The following HSDL2 variants were observed in gnomAD, a reference collection of about 807,000 sequenced individuals.
The protein encoded by HSDL2 is hydroxysteroid dehydrogenase like 2.
A neutral mutation model predicts 46.3 loss-of-function variants in HSDL2; 27 were observed. The ratio of observed to expected loss-of-function variants is 0.58; its 90% CI spans 0.43 to 0.80. The LOEUF (loss-of-function observed/expected upper bound fraction) is 0.80. Ranked by LOEUF, HSDL2 falls within the 30% of genes least tolerant of loss-of-function variation. The pLI, the probability that HSDL2 is intolerant of heterozygous loss-of-function variation, is 0.00. For synonymous variants in HSDL2, 153 were observed against 163.6 expected, an observed-to-expected ratio of 0.94 and a Z score of 0.50; for missense variants, 451 against 502.7, an observed-to-expected ratio of 0.90 and a Z score of 0.98.
intron 1 of HSDL2, among the ~76,000 whole-genome samples, chr9:112,399,334 A>T (rs1022889124): frequency 4.6e-5 from 7 of 152,210 alleles, no homozygotes; most frequent in Non-Finnish European, 8.8e-5. Context: ...ACATGCTTCA[A>T]AGGGCAAAAA....
intron 6 of HSDL2, among the ~76,000 whole-genome samples, chr9:112,423,238 CAAGAT>C (rs1330961301): frequency 2.6e-5 from 4 of 152,150 alleles, no homozygotes; most frequent in South Asian, 2.1e-4. Flanking sequence ...ATTGAAGAGA[CAAGAT>C]AAGAGAAAAG....
At chr9:112,427,680 C>T (rs899591149) in intron 6 of HSDL2, among the ~76,000 whole-genome samples, 2 of 152,048 alleles carry the variant, frequency 1.3e-5, no homozygotes, top group Admixed American at 6.6e-5. Context: ...AAAACCAGGT[C>T]GTTTATCTTA....
At chr9:112,381,098 C>CACACACAT (rs139335401) in intron 1 of HSDL2, among the ~76,000 whole-genome samples, 43,557 of 151,490 alleles carry the variant, frequency 0.29, 6,473 homozygotes, top group Admixed American at 0.41. Context: ...TACACACACA[C>CACACACAT]ACACACACAC....
At chr9:112,419,461 C>T (rs973872185) in intron 6 of HSDL2, among the ~76,000 whole-genome samples, 1 of 152,184 alleles carries the variant, frequency 6.6e-6, no homozygotes, top group African/African-American at 2.4e-5. Context: ...GCTTAGACTA[C>T]ATGAGTGACT....
intron 3 of HSDL2, among the ~76,000 whole-genome samples, chr9:112,407,844 G>A (rs1831765235): frequency 6.6e-6 from 1 of 152,142 alleles, no homozygotes; most frequent in South Asian, 2.1e-4. Flanking sequence ...CCATCATTAA[G>A]TACACTTCAC....
intron 8 of HSDL2, among the ~76,000 whole-genome samples, chr9:112,446,459 A>C (rs566895052): frequency 1.3e-5 from 2 of 152,244 alleles, no homozygotes; most frequent in East Asian, 1.9e-4. Context: ...GCAAGATCCC[A>C]TTTCTACAAA....
chr9:112,455,110 G>C (rs887152530), intron 9 of HSDL2, among the ~76,000 whole-genome samples: 1 of 152,014 alleles, frequency 6.6e-6, no homozygotes, highest in African/African-American at 2.4e-5. Context: ...GCGTGCAGCT[G>C]TAATCCCAGC....
chr9:112,454,091 G>C lies in HSDL2; in HGVS notation c.944G>C (p.Arg315Thr), dbSNP rs1449701156. The change falls in exon 9 of 11, where the codon AGA (arginine) becomes ACA (threonine). Residue 315 changes from arginine to threonine, a missense_variant. Transcript: ENST00000398805. ...TCTGGAGCTGTGGAAGAAACATTTA[G>C]AATTGTTAAGGACTCTCTCAGTGAT... ...PRSGAVEETF[R>T]IVKDSLSDDV... is the part of the protein sequence containing the mutation. 6.2e-7 allele frequency: 1 copy of C among 1,614,052 alleles called. No homozygotes were observed. Among genetic ancestry groups the C allele is most frequent in the East Asian group, 2.2e-5 (1 of 44,880 alleles).
chr9:112,396,617 C>A lies in HSDL2; in HGVS notation c.18-7378C>A, dbSNP rs980674164. Among the ~76,000 whole-genome samples the A allele has an allele frequency of 2.0e-5, 3 of 152,120 alleles. No individual in the cohort carries two copies. In the East Asian group the frequency reaches 5.8e-4, roughly 29 times the overall value. ...TCTCATTAGAGGAATCAAAATGAGA[C>A]CAGTATGAACCGTGATTCCTTTAGT... On this transcript the variant is annotated intron_variant, in intron 1 of 10. Transcript: ENST00000398805.
chr9:112,462,024 G>T (rs988631097), intron 10 of HSDL2, among the ~76,000 whole-genome samples: 2 of 152,146 alleles, frequency 1.3e-5, no homozygotes, highest in Non-Finnish European at 2.9e-5. Context: ...GAGTTTGCTT[G>T]TGCTTCTTAT....
intron 8 of HSDL2, among the ~76,000 whole-genome samples, chr9:112,443,771 C>A (rs1363063050): frequency 1.3e-5 from 2 of 152,160 alleles, no homozygotes; most frequent in African/African-American, 4.8e-5. Flanking sequence ...CCTGATAATC[C>A]AGTTTATTAA....
At chr9:112,414,578 T>C (rs1039575897) in intron 4 of HSDL2, among the ~76,000 whole-genome samples, 4 of 140,146 alleles carry the variant, frequency 2.9e-5, no homozygotes, top group Non-Finnish European at 6.3e-5. Flanking sequence ...GATGGAAAGG[T>C]CTTGTCCCAT....
intron 6 of HSDL2, among the ~76,000 whole-genome samples, chr9:112,433,015 T>C (rs1371043686): frequency 6.6e-6 from 1 of 152,004 alleles, no homozygotes; most frequent in Non-Finnish European, 1.5e-5. Flanking sequence ...CCTCAAGTGA[T>C]CCACCCACCT....
At chr9:112,443,116 T>C (rs1302540993) in intron 8 of HSDL2, among the ~76,000 whole-genome samples, 3 of 152,200 alleles carry the variant, frequency 2.0e-5, no homozygotes, top group Non-Finnish European at 1.5e-5. Context: ...TAGAAGAGTC[T>C]GGTCTTCAAG....
chr9:112,445,527 CTTTA>C (rs1170959086), intron 8 of HSDL2, among the ~76,000 whole-genome samples: 3 of 149,894 alleles, frequency 2.0e-5, no homozygotes, highest in East Asian at 3.9e-4. Context: ...TTTTTTAAGG[CTTTA>C]TTTATTTATT....
chr9:112,467,565 A>G (rs1833429173), intron 10 of HSDL2, among the ~76,000 whole-genome samples: 1 of 152,156 alleles, frequency 6.6e-6, no homozygotes, highest in Non-Finnish European at 1.5e-5. Context: ...TAAGGGCACT[A>G]ATCCCATCAT....
intron 6 of HSDL2, among the ~76,000 whole-genome samples, chr9:112,430,402 G>A (rs1389384623): frequency 6.6e-6 from 1 of 152,180 alleles, no homozygotes; most frequent in East Asian, 1.9e-4. Flanking sequence ...ATGTCCATAA[G>A]GAAATGGGGG....
intron 2 of HSDL2, among the ~76,000 whole-genome samples, 189 bp from the exon 3 acceptor site, chr9:112,405,435 T>G (rs532854483): frequency 6.6e-6 from 1 of 152,324 alleles, no homozygotes; most frequent in Non-Finnish European, 1.5e-5. Context: ...AACCTTCGTT[T>G]TTGTTTTTTA....
At chr9:112,455,559 T>A (rs7854097) in intron 9 of HSDL2, among the ~76,000 whole-genome samples, 145,342 of 152,152 alleles carry the variant, frequency 0.96, 69,484 homozygotes, top group African/African-American at 0.98. Flanking sequence ...GGAGGAAAGC[T>A]AAAAAAAATC....
Sources: gnomAD v4.1 joint callset for allele counts (sites outside exome capture counted in the v4.1 genomes callset) on GRCh38, gnomAD v4.1.1 for gene constraint, MANE v1.5 for transcripts, NCBI Gene and HGNC (gene_info 2026-07-23, HGNC 2026-07-21) for gene names.